Variants in ATG2B observed in about 807,000 individuals in gnomAD.
The protein encoded by ATG2B is autophagy-related protein 2 homolog B.
A neutral mutation model predicts 241.3 loss-of-function variants in ATG2B; 121 were observed. That is an observed-to-expected ratio of 0.50 (90% CI 0.43 to 0.58). ATG2B has a LOEUF of 0.58. Among genes scored for constraint, ATG2B ranks in the 20% least tolerant of loss-of-function variants. ATG2B has a pLI of 0.00. For synonymous variants in ATG2B, 858 were observed against 876.6 expected (o/e 0.98, Z 0.37); for missense variants, 2,306 against 2,491.6 (o/e 0.93, Z 1.59).
rs765285427 is a variant in ATG2B, at chr14:96,317,179, T to C, written c.3176A>G (p.Asn1059Ser). The C allele has an allele frequency of 2.5e-6, 4 of 1,613,412 alleles. No individual in the cohort carries two copies. The highest frequency in any genetic ancestry group is 2.2e-5 in the East Asian group (1 of 44,846). Residue 1059 changes from asparagine to serine, a missense_variant, in exon 20 of 42, where the codon AAT (asparagine) becomes AGT (serine). Transcript: ENST00000359933. ...TGTGAACACTGCTATTAATCCATGATTAATATTCAGAAGAACTGAGAGAAA... is the reference window on the plus strand; with the variant it reads ...TGTGAACACTGCTATTAATCCATGACTAATATTCAGAAGAACTGAGAGAAA... ...QSFLSVLLNI[N>S]HGLIAVFTDV... is the part of the protein sequence containing the mutation.
chr14:96,321,678 C>T (rs1887459861), intron 18 of ATG2B, among the ~76,000 whole-genome samples: 1 of 152,066 alleles, frequency 6.6e-6, no homozygotes, highest in South Asian at 2.1e-4. Flanking sequence ...ATTTTGTACA[C>T]GTTCACAGAA....
Position 96,333,896 on chromosome 14 carries a change from C to A in ATG2B, c.1022-23G>T, listed in dbSNP as rs746479119. On this transcript the variant is annotated intron_variant, in intron 7 of 41. Coordinates refer to ENST00000359933, the MANE Select transcript of ATG2B (RefSeq NM_018036.7). ...TTTCTATAAGCATACAAAAGGAAAC[C>A]AAAACAGTAATTAAATTTGGAGTTA... 66 of 1,591,454 alleles carry A rather than the reference C, an allele frequency of 4.1e-5. 1 individual carries two copies. The South Asian group carries it at 7.3e-4, about 18-fold the overall frequency.
At chr14:96,348,569 G>C (rs1203528686) in intron 1 of ATG2B, among the ~76,000 whole-genome samples, 1 of 151,830 alleles carries the variant, frequency 6.6e-6, no homozygotes, top group Non-Finnish European at 1.5e-5. Context: ...TGTAATCCCA[G>C]CTGCTTGGGA....
In ATG2B at chr14:96,293,863, A is replaced by G. The variant is rs549155856; in HGVS notation, c.5426+1097T>C. Among the ~76,000 whole-genome samples, 699 of 152,304 alleles carry G rather than the reference A, an allele frequency of 4.6e-3. 2 individuals carry two copies. Among genetic ancestry groups the G allele is most frequent in the Non-Finnish European group, 8.0e-3 (543 of 68,012 alleles). On this transcript the variant is annotated intron_variant, in intron 36 of 41. Transcript: ENST00000359933. Reference sequence around the variant, plus strand: ...CTACTTCCTCTGGGCTAAAAAAAAAAGGCAAAATTCTTTGCTTTCAGGCCC... The same window carrying G: ...CTACTTCCTCTGGGCTAAAAAAAAAGGGCAAAATTCTTTGCTTTCAGGCCC...
At chr14:96,356,869 A>G (rs1888489541) in intron 1 of ATG2B, among the ~76,000 whole-genome samples, 1 of 152,244 alleles carries the variant, frequency 6.6e-6, no homozygotes, top group Non-Finnish European at 1.5e-5. Context: ...ACAGAAAGTT[A>G]GTACCCAATT....
At position 96,328,371 on chromosome 14, in the gene ATG2B, A is replaced by G; in HGVS notation, c.2139T>C (p.Thr713=). ...TVEMMASHMY[T]SYNKHISLHK... ...CCAGACTAATATGTTTATTATATGA[A>G]GTATACATGTGGGATGCCATCATCT... The change falls in exon 14 of 42, where the codon ACT becomes ACC. Residue 713 remains threonine, a synonymous_variant. Transcript: ENST00000359933. 1 of 1,609,084 alleles carries G rather than the reference A, an allele frequency of 6.2e-7. No individual in the cohort carries two copies. Among genetic ancestry groups the G allele is most frequent in the African/African-American group, 1.3e-5 (1 of 74,780 alleles).
chr14:96,363,083 C>T lies in ATG2B; in HGVS notation c.-107G>A, dbSNP rs1888725948. The T allele has an allele frequency of 7.7e-6, 10 of 1,292,074 alleles. No individual in the cohort carries two copies. Among genetic ancestry groups the T allele is most frequent in the Admixed American group, 4.0e-5 (2 of 49,396 alleles). The allele number at this position is 1,292,074 out of a possible 1,614,324, so 80.0% of individuals were successfully genotyped here. ...GCGGCGGGGCCTAAGCCTGGGGCGG[C>T]CCCTCCATCCCTATTTGGTGCCGGG... On this transcript the variant is annotated 5_prime_UTR_variant, in exon 1 of 42. Transcript: ENST00000359933.
At chr14:96,295,994 G>A (rs562302159) in intron 34 of ATG2B, among the ~76,000 whole-genome samples, 25 of 152,018 alleles carry the variant, frequency 1.6e-4, no homozygotes, top group African/African-American at 5.3e-4. Flanking sequence ...TCGCTCTGTC[G>A]CCAGGCTGGA....
chr14:96,339,315 TACAC>T (rs1341667845), intron 6 of ATG2B, among the ~76,000 whole-genome samples: 1 of 151,300 alleles, frequency 6.6e-6, no homozygotes, highest in Non-Finnish European at 1.5e-5. Flanking sequence ...TATACATATA[TACAC>T]ACACATATAT....
chr14:96,327,967 GC>G (rs1400236789), intron 14 of ATG2B, among the ~76,000 whole-genome samples: 1 of 152,160 alleles, frequency 6.6e-6, no homozygotes. Flanking sequence ...ACAGGTGTGT[GC>G]CACCATGCCC....
At chr14:96,306,175 A>G (rs1886941479) in intron 30 of ATG2B, among the ~76,000 whole-genome samples, 1 of 152,220 alleles carries the variant, frequency 6.6e-6, no homozygotes, top group Admixed American at 6.5e-5. Context: ...TGATATTACC[A>G]TGTTTTTAAT....
At chr14:96,329,430 A>T in intron 12 of ATG2B, 54 bp downstream of exon 12, 1 of 1,334,226 alleles carries the variant, frequency 7.5e-7, no homozygotes. Flanking sequence ...ACAATCATTA[A>T]AAAGCAAGGT....
chr14:96,343,235 C>T lies in ATG2B; in HGVS notation c.628G>A (p.Val210Met), dbSNP rs997424530. 3 of 1,610,562 alleles carry T rather than the reference C, an allele frequency of 1.9e-6. No individual in the cohort carries two copies. Among genetic ancestry groups the T allele is most frequent in the Non-Finnish European group, 8.5e-7 (1 of 1,178,416 alleles). ...TGAGCAAAAGCAGTGGGTTGATGCA[C>T]ATTAATTCCTGAGGATTCGTCAGCA... ...ETADESSGINVHQPTAFAHKL... is the reference protein window; with the variant it reads ...ETADESSGINMHQPTAFAHKL... The change falls in exon 5 of 42, where the codon GTG becomes ATG. Residue 210 changes from valine (V) to methionine (M), a missense_variant. Val to Met is a conservative substitution (Grantham distance 21, BLOSUM62 1). Transcript: ENST00000359933.
intron 11 of ATG2B, 95 bp downstream of exon 11, chr14:96,331,281 T>C (rs1212763447): frequency 9.3e-6 from 11 of 1,181,082 alleles, no homozygotes; most frequent in Admixed American, 7.2e-5. Flanking sequence ...CAAATGCAGA[T>C]AGGCAGATAC....
chr14:96,344,278 CA>C (rs1888116727), intron 4 of ATG2B, among the ~76,000 whole-genome samples: 1 of 152,124 alleles, frequency 6.6e-6, no homozygotes, highest in South Asian at 2.1e-4. Context: ...CACAGCAAAA[CA>C]AAAATGTCTT....
chr14:96,295,901 C>G (rs1886626638), intron 34 of ATG2B, among the ~76,000 whole-genome samples: 1 of 152,242 alleles, frequency 6.6e-6, no homozygotes, highest in South Asian at 2.1e-4. Flanking sequence ...AGCACTCTCA[C>G]TCTTGGCCCT....
At chr14:96,301,897 T>C in intron 34 of ATG2B, 110 bp downstream of exon 34, 2 of 807,862 alleles carry the variant, frequency 2.5e-6, no homozygotes, top group Non-Finnish European at 3.9e-6. Context: ...GTTTGCTTTA[T>C]ATATGTAACC....
intron 12 of ATG2B, among the ~76,000 whole-genome samples, 160 bp from the exon 13 acceptor site, chr14:96,328,926 T>G (rs1476868302): frequency 1.3e-5 from 2 of 152,244 alleles, no homozygotes; most frequent in Non-Finnish European, 2.9e-5. Context: ...GTTAGTTAAC[T>G]CATGTGATAT....
At position 96,283,283 on chromosome 14, in the gene ATG2B, T is replaced by C. The variant is rs1886246990; in HGVS notation, c.*2472A>G. The C allele has an allele frequency of 7.8e-6, 1 of 128,024 alleles. No homozygotes were observed. The highest frequency in any genetic ancestry group is 3.3e-5 in the African/African-American group (1 of 30,614). 7.9% of individuals were successfully genotyped at this position (128,024 alleles called of 1,614,324 possible). On this transcript the variant is annotated 3_prime_UTR_variant, in exon 42 of 42. Coordinates refer to ENST00000359933, the MANE Select transcript of ATG2B (RefSeq NM_018036.7). ...TCACTGGTGGACATGCGCGATCTAC[T>C]CTAGTCAGAAGCATGACACCAACCC...
Sources: allele counts gnomAD v4.1 joint callset (sites outside exome capture counted in the v4.1 genomes callset), GRCh38; gene constraint gnomAD v4.1.1; transcripts MANE v1.5; gene names NCBI Gene and HGNC (gene_info 2026-07-23, HGNC 2026-07-21).